The following MICAL2 variants were observed in gnomAD, a reference collection of about 807,000 sequenced individuals.
The protein encoded by MICAL2 is microtubule associated monooxygenase, calponin and LIM domain containing 2.
Under a neutral mutation model 127.3 loss-of-function variants are expected in MICAL2, and 77 were observed. The ratio of observed to expected loss-of-function variants is 0.60; its 90% CI spans 0.50 to 0.73. The LOEUF is 0.73. MICAL2 is among the 30% of genes least tolerant of loss of function. The probability of loss-of-function intolerance (pLI) is 0.00; values close to 1 mark genes in which losing one functional copy is unlikely to be tolerated. For missense variants in MICAL2, 1,351 were observed against 1,434.4 expected (o/e 0.94, Z 0.94); for synonymous variants, 570 against 551.1 (o/e 1.03, Z -0.48).
At chr11:12,271,179 A>G (rs138288900), upstream of MICAL2, among the ~76,000 whole-genome samples, 4 of 152,314 alleles carry the variant, frequency 2.6e-5, no homozygotes, top group African/African-American at 4.8e-5. Context: ...AGTTCTGGGC[A>G]AAGCTGCTTC....
chr11:12,347,312 C>A (rs73424830), intron 32 of MICAL2, among the ~76,000 whole-genome samples: 8,586 of 152,262 alleles, frequency 0.056, 856 homozygotes, highest in African/African-American at 0.2. Context: ...TTCTAATATT[C>A]TATTTTATTC....
intron 26 of MICAL2, chr11:12,261,184 C>T: frequency 1.0e-6 from 1 of 985,472 alleles, no homozygotes; most frequent in Non-Finnish European, 1.2e-6. Context: ...GCGTGGCCTG[C>T]CCAGTGAGCA....
chr11:12,212,324 T>A (rs560201787), intron 6 of MICAL2, among the ~76,000 whole-genome samples: 4 of 151,758 alleles, frequency 2.6e-5, no homozygotes, highest in African/African-American at 9.7e-5. Context: ...TAAAAAAAAA[T>A]AAATAAGGCA....
At chr11:12,181,026 C>A (rs527468698) in intron 3 of MICAL2, among the ~76,000 whole-genome samples, 1 of 151,316 alleles carries the variant, frequency 6.6e-6, no homozygotes, top group Non-Finnish European at 1.5e-5. Context: ...CCCGCCACAC[C>A]CCACCCCTGG....
intron 29 of MICAL2, among the ~76,000 whole-genome samples, chr11:12,300,770 A>G (rs1353197161): frequency 6.6e-6 from 1 of 152,208 alleles, no homozygotes; most frequent in African/African-American, 2.4e-5. Context: ...GACCCTGAGC[A>G]AAGGGCCCCA....
At chr11:12,304,728 C>G (rs1026000242) in intron 29 of MICAL2, among the ~76,000 whole-genome samples, 1 of 151,692 alleles carries the variant, frequency 6.6e-6, no homozygotes, top group Non-Finnish European at 1.5e-5. Flanking sequence ...ATTACAGTGA[C>G]AGTTTTGTTA....
downstream of MICAL2, chr11:12,358,622 C>T: frequency 1.3e-6 from 1 of 762,234 alleles, no homozygotes. Context: ...TTAAAATTCT[C>T]TTGCACGCAT....
chr11:12,206,893 C>A (rs532906725), intron 4 of MICAL2, among the ~76,000 whole-genome samples: 1 of 152,254 alleles, frequency 6.6e-6, no homozygotes, highest in East Asian at 1.9e-4. Flanking sequence ...CTTCCTGCTC[C>A]TCCCCTCATG....
intron 3 of MICAL2, among the ~76,000 whole-genome samples, chr11:12,188,594 G>A (rs965431359): frequency 5.3e-5 from 8 of 152,132 alleles, no homozygotes; most frequent in Non-Finnish European, 1.2e-4. Flanking sequence ...CTATTGTATA[G>A]CACTGTTTTA....
chr11:12,307,943 C>T (rs1320936253), intron 29 of MICAL2, among the ~76,000 whole-genome samples: 1 of 152,198 alleles, frequency 6.6e-6, no homozygotes, highest in Non-Finnish European at 1.5e-5. Flanking sequence ...AGTGCAGTGG[C>T]TTAATCATAG....
chr11:12,204,465 G>T lies in MICAL2; in HGVS notation c.472+8G>T. The T allele has an allele frequency of 6.2e-7, 1 of 1,613,622 alleles. No individual in the cohort carries two copies. Among genetic ancestry groups the T allele is most frequent in the Non-Finnish European group, 8.5e-7 (1 of 1,179,516 alleles). ...GCTCCATCGACCATATCAGTGAGTG[G>T]AGTCTATGGTGATATCCCATGAAGG... is the stretch of plus-strand genomic sequence containing the variant. On this transcript the variant is annotated splice_region_variant and intron_variant, in intron 4 of 27. Transcript: ENST00000683283.
chr11:12,262,396 A>T, intron 26 of MICAL2, 84 bp from the exon 27 acceptor site: 1 of 1,598,298 alleles, frequency 6.3e-7, no homozygotes, highest in Non-Finnish European at 8.5e-7. Flanking sequence ...CCTTCTCGTG[A>T]TGTTAATCAT....
At chr11:12,311,209 A>G (rs776362725) in intron 29 of MICAL2, among the ~76,000 whole-genome samples, 1 of 152,088 alleles carries the variant, frequency 6.6e-6, no homozygotes. Context: ...GGCTAGGACT[A>G]TTTAGATATT....
At chr11:12,161,309 C>A (rs926841935) in intron 2 of MICAL2, 1 of 152,240 alleles carries the variant, frequency 6.6e-6, no homozygotes, top group African/African-American at 2.4e-5. Context: ...GAGCACCCAT[C>A]GCATTTTTCC....
At chr11:12,249,268 C>T in intron 22 of MICAL2, 22 bp downstream of exon 22, 1 of 1,362,416 alleles carries the variant, frequency 7.3e-7, no homozygotes, top group African/African-American at 1.4e-5. Flanking sequence ...CCTCCCTGAA[C>T]TTCAGCTGCC....
chr11:12,275,263 G>T (rs10765937), upstream of MICAL2, among the ~76,000 whole-genome samples: 57,914 of 152,026 alleles, frequency 0.38, 11,915 homozygotes, highest in East Asian at 0.79. Flanking sequence ...TGTTAGACAC[G>T]TAGACGGAGA....
At chr11:12,135,806 C>G (rs1015251856) in intron 1 of MICAL2, among the ~76,000 whole-genome samples, 1 of 152,180 alleles carries the variant, frequency 6.6e-6, no homozygotes, top group South Asian at 2.1e-4. Context: ...TGTCCACAGT[C>G]TGGGGAGGGG....
At chr11:12,216,513 A>G in intron 8 of MICAL2, 194 bp downstream of exon 8, 1 of 584,430 alleles carries the variant, frequency 1.7e-6, no homozygotes, top group Middle Eastern at 4.5e-4. Flanking sequence ...ATGCACAGAG[A>G]ATTTTCTGCA....
chr11:12,329,402 A>G (rs1231561805), intron 32 of MICAL2, among the ~76,000 whole-genome samples: 2 of 152,164 alleles, frequency 1.3e-5, no homozygotes, highest in Non-Finnish European at 2.9e-5. Context: ...AGAGCATTAG[A>G]AAAGAAGAGG....
Sources: allele counts gnomAD v4.1 joint callset (sites outside exome capture counted in the v4.1 genomes callset), GRCh38; gene constraint gnomAD v4.1.1; transcripts MANE v1.5; gene names NCBI Gene and HGNC (gene_info 2026-07-23, HGNC 2026-07-21).